Variants in SORCS2 observed in about 807,000 individuals in gnomAD.
The protein encoded by SORCS2 is VPS10 domain-containing receptor SorCS2.
In SORCS2, 100 loss-of-function variants were observed where a neutral mutation model predicts 141.6. That is an observed-to-expected ratio of 0.71 (90% CI 0.60 to 0.83). The LOEUF (loss-of-function observed/expected upper bound fraction) is 0.83, where lower values mean the gene tolerates loss of function less well. Among genes scored for constraint, SORCS2 ranks in the 40% least tolerant of loss-of-function variants. The probability of loss-of-function intolerance (pLI) is 0.00; values close to 1 mark genes in which losing one functional copy is unlikely to be tolerated. For missense variants in SORCS2, 1,646 were observed against 1,560.2 expected (o/e 1.05, Z -0.93); for synonymous variants, 789 against 676.9 (o/e 1.17, Z -2.57).
intron 1 of SORCS2, among the ~76,000 whole-genome samples, chr4:7,255,803 C>G (rs1713816824): frequency 6.6e-6 from 1 of 151,468 alleles, no homozygotes. Context: ...AGTGGGGCCA[C>G]TGGAGCCCCG....
chr4:7,323,602 A>G (rs1417826795), intron 1 of SORCS2, among the ~76,000 whole-genome samples: 1 of 152,030 alleles, frequency 6.6e-6, no homozygotes, highest in East Asian at 1.9e-4. Context: ...GTGGGGGTTG[A>G]GGGCTGGGTT....
At chr4:7,380,834 C>G (rs1722940195) in intron 1 of SORCS2, among the ~76,000 whole-genome samples, 1 of 152,118 alleles carries the variant, frequency 6.6e-6, no homozygotes, top group South Asian at 2.1e-4. Context: ...GCCTGTAATC[C>G]CAACACTTTG....
intron 1 of SORCS2, among the ~76,000 whole-genome samples, chr4:7,301,900 C>G (rs1717459022): frequency 6.6e-6 from 1 of 152,198 alleles, no homozygotes; most frequent in Non-Finnish European, 1.5e-5. Context: ...TTCAGAGAAA[C>G]ACATCAGTGC....
intron 2 of SORCS2, among the ~76,000 whole-genome samples, chr4:7,527,459 G>A (rs1467554988): frequency 6.6e-6 from 1 of 152,214 alleles, no homozygotes; most frequent in African/African-American, 2.4e-5. Context: ...GATAGACTCT[G>A]CAGTGGGCCT....
chr4:7,240,153 C>A (rs1712591984), intron 1 of SORCS2, among the ~76,000 whole-genome samples: 1 of 152,194 alleles, frequency 6.6e-6, no homozygotes, highest in Admixed American at 6.5e-5. Flanking sequence ...ACCCCGGCCC[C>A]ACGGGGCTGT....
At chr4:7,227,076 TG>T (rs1729035244) in intron 1 of SORCS2, among the ~76,000 whole-genome samples, 1 of 152,130 alleles carries the variant, frequency 6.6e-6, no homozygotes, top group Non-Finnish European at 1.5e-5. Context: ...TATGCACCTG[TG>T]GGTACTCTTA....
rs765132758 is a variant in SORCS2 at position 7,676,824 on chromosome 4, T to TCTCTCTCTCC, written c.1341+600_1341+601insTCTCCCTCTC. On this transcript the variant is annotated intron_variant, in intron 9 of 26. Coordinates refer to ENST00000507866, the MANE Select transcript of SORCS2 (RefSeq NM_020777.3). ...TTCTGTCTCTCTCTCTCTCTCTCTCTCTCTCCCTCTCTCCACCCCAGCCCT... is the reference window on the plus strand; with the variant it reads ...TTCTGTCTCTCTCTCTCTCTCTCTCTCTCTCTCTCCCTCTCCCTCTCTCCACCCCAGCCCT... 3.2e-3 allele frequency among the ~76,000 whole-genome samples: 159 copies of TCTCTCTCTCC among 49,088 alleles called. 29 individuals are homozygous for TCTCTCTCTCC. The highest frequency in any genetic ancestry group is 0.012 in the African/African-American group (131 of 11,304). 32.2% of individuals were successfully genotyped at this position (49,088 alleles called of 152,430 possible).
At chr4:7,661,406 G>C in intron 5 of SORCS2, 94 bp from the exon 6 acceptor site, 1 of 1,368,796 alleles carries the variant, frequency 7.3e-7, no homozygotes, top group South Asian at 1.3e-5. Flanking sequence ...TTCAGAACCA[G>C]GGAGGCCACG....
intron 3 of SORCS2, among the ~76,000 whole-genome samples, chr4:7,563,239 C>G (rs1479102844): frequency 6.6e-6 from 1 of 152,120 alleles, no homozygotes; most frequent in Non-Finnish European, 1.5e-5. Context: ...TGTTGAGGGA[C>G]TCTTCAAACA....
intron 2 of SORCS2, among the ~76,000 whole-genome samples, chr4:7,442,806 A>C (rs556138531): frequency 6.6e-6 from 1 of 151,568 alleles, no homozygotes; most frequent in Admixed American, 6.6e-5. Context: ...TCAGGCTGAC[A>C]AAACAGTGTA....
At chr4:7,433,606 C>A (rs977815274) in intron 2 of SORCS2, 1 of 1,611,570 alleles carries the variant, frequency 6.2e-7, no homozygotes, top group Non-Finnish European at 8.5e-7. Flanking sequence ...GCTGCAGCCA[C>A]CCTTGAAGGC....
At chr4:7,636,116 C>A (rs982956876) in intron 3 of SORCS2, among the ~76,000 whole-genome samples, 1 of 152,262 alleles carries the variant, frequency 6.6e-6, no homozygotes, top group South Asian at 2.1e-4. Context: ...AGGGCTGGTC[C>A]TATCCAGCCC....
At position 7,402,818 on chromosome 4, in the gene SORCS2, G is replaced by A. The variant is rs142760861; in HGVS notation, c.548+6463G>A. The stretch of plus-strand genomic sequence containing the variant: ...CATCTCCCTCATACCTGGTAAGATG[G>A]AACATATTTTTCTGTGTTTATTGAC... On this transcript the variant is annotated intron_variant, in intron 2 of 26. Transcript: ENST00000507866. Among the ~76,000 whole-genome samples the A allele has an allele frequency of 3.0e-3, 450 of 151,524 alleles. 3 individuals carry two copies. Among genetic ancestry groups the A allele is most frequent in the African/African-American group, 0.01 (427 of 41,316 alleles).
At chr4:7,343,443 G>T (rs934128183) in intron 1 of SORCS2, among the ~76,000 whole-genome samples, 4 of 152,220 alleles carry the variant, frequency 2.6e-5, no homozygotes, top group African/African-American at 9.6e-5. Flanking sequence ...ACTGGAACAG[G>T]GCAGGCTTGG....
intron 9 of SORCS2, among the ~76,000 whole-genome samples, chr4:7,679,193 C>T (rs866804019): frequency 2.6e-5 from 4 of 152,228 alleles, no homozygotes; most frequent in Middle Eastern, 3.4e-3. Context: ...GGGGTCTCTC[C>T]CCCAGCAGGG....
intron 2 of SORCS2, among the ~76,000 whole-genome samples, chr4:7,487,744 C>T (rs4234817): frequency 1 from 151,721 of 152,292 alleles, 75,578 homozygotes; most frequent in Non-Finnish European, 1. Context: ...CCCCATGCTG[C>T]CTGGCCATCC....
At chr4:7,339,512 G>T (rs1030460981) in intron 1 of SORCS2, among the ~76,000 whole-genome samples, 2 of 152,204 alleles carry the variant, frequency 1.3e-5, no homozygotes, top group South Asian at 2.1e-4. Flanking sequence ...TCTGGGGGCT[G>T]CTGGCCATCC....
chr4:7,353,181 G>A (rs895867989), intron 1 of SORCS2, among the ~76,000 whole-genome samples: 3 of 152,172 alleles, frequency 2.0e-5, no homozygotes, highest in Non-Finnish European at 2.9e-5. Context: ...AACTGCCAGC[G>A]AGGGCAGGGC....
At chr4:7,583,370 A>T (rs539643321) in intron 3 of SORCS2, among the ~76,000 whole-genome samples, 1 of 152,332 alleles carries the variant, frequency 6.6e-6, no homozygotes, top group South Asian at 2.1e-4. Context: ...CCTGCTAGAA[A>T]AAAACCCTGG....
Sources: gnomAD v4.1 joint callset for allele counts (sites outside exome capture counted in the v4.1 genomes callset) on GRCh38, gnomAD v4.1.1 for gene constraint, MANE v1.5 for transcripts, NCBI Gene and HGNC (gene_info 2026-07-23, HGNC 2026-07-21) for gene names.